Variants in TTC23 observed in about 807,000 individuals in gnomAD.
TTC23 encodes the protein tetratricopeptide repeat protein 23.
A neutral mutation model predicts 55.1 loss-of-function variants in TTC23; 58 were observed. That is an observed-to-expected ratio of 1.05 (90% confidence interval 0.85 to 1.31). TTC23 has a LOEUF of 1.31. Among genes scored for constraint, TTC23 ranks in the 50% most tolerant of loss-of-function variants. The probability of loss-of-function intolerance (pLI) is 0.00; values close to 1 mark genes in which losing one functional copy is unlikely to be tolerated. For missense variants in TTC23, 516 were observed against 534.4 expected (o/e 0.97, Z 0.34); for synonymous variants, 203 against 199.9 (o/e 1.02, Z -0.13).
intron 5 of TTC23, among the ~76,000 whole-genome samples, chr15:99,223,997 C>A (rs2078176488): frequency 6.6e-6 from 1 of 152,152 alleles, no homozygotes; most frequent in African/African-American, 2.4e-5. Flanking sequence ...GGATGCACGC[C>A]CATCAATGTC....
intron 12 of TTC23, 69 bp from the exon 13 acceptor site, chr15:99,139,468 C>G: frequency 6.2e-7 from 1 of 1,603,670 alleles, no homozygotes; most frequent in South Asian, 1.1e-5. Flanking sequence ...TAAGGTCTCC[C>G]TTGAATGAGA....
At chr15:99,155,447 T>A (rs2070404159) in intron 12 of TTC23, 1 of 152,122 alleles carries the variant, frequency 6.6e-6, no homozygotes, top group Non-Finnish European at 1.5e-5. Context: ...GATACAAAAA[T>A]TCATGTAGAA....
At chr15:99,191,758 A>C (rs2075268879) in intron 9 of TTC23, among the ~76,000 whole-genome samples, 1 of 152,208 alleles carries the variant, frequency 6.6e-6, no homozygotes, top group African/African-American at 2.4e-5. Context: ...GGTGCTGCTG[A>C]AAAGATACCC....
chr15:99,206,176 C>T (rs1471953658), intron 8 of TTC23, among the ~76,000 whole-genome samples: 1 of 152,048 alleles, frequency 6.6e-6, no homozygotes, highest in Non-Finnish European at 1.5e-5. Context: ...GGATGAATTC[C>T]ACTTGATCAA....
chr15:99,136,331 G>T lies in TTC23; in HGVS notation c.*1679C>A, dbSNP rs367862293. On this transcript the variant is annotated 3_prime_UTR_variant, in exon 14 of 14. Coordinates refer to ENST00000394132, the MANE Select transcript of TTC23 (RefSeq NM_001288615.3). The stretch of plus-strand genomic sequence containing the variant: ...GTACAGAAAGGAAGAAGTAACATCA[G>T]AATTCACATTTATTTCAAAAACTCG... 5.9e-5 allele frequency: 9 copies of T among 152,368 alleles called. No homozygotes were observed. In the East Asian group the frequency reaches 9.6e-4, roughly 16 times the overall value. The allele number at this position is 152,368 out of a possible 1,614,324, so 9.4% of individuals were successfully genotyped here. A position where few individuals can be genotyped will look rare whatever the true frequency, so the allele number is the denominator to read the frequency against.
chr15:99,221,796 A>C lies in TTC23; in HGVS notation c.249T>G (p.His83Gln), dbSNP rs144380401. ...TAACATGTGCCTCTGCTAGTTTCCAATGTGAGTCTCCATAGCAAATTCTTG... is the reference window on the plus strand; with the variant it reads ...TAACATGTGCCTCTGCTAGTTTCCACTGTGAGTCTCCATAGCAAATTCTTG... ...ALTRICYGDS[H>Q]WKLAEAHVNL... The change falls in exon 6 of 14, where the codon CAT becomes CAG. Residue 83 changes from histidine (H) to glutamine (Q), a missense_variant. Physicochemically the swap from His to Gln is conservative, Grantham distance 24 (BLOSUM62 0). Transcript: ENST00000394132. 1 of 1,614,062 alleles carries C rather than the reference A, an allele frequency of 6.2e-7. No homozygotes were observed. The highest frequency in any genetic ancestry group is 8.5e-7 in the Non-Finnish European group (1 of 1,180,034).
At chr15:99,186,937 G>GT (rs2074723727) in intron 9 of TTC23, among the ~76,000 whole-genome samples, 1 of 151,830 alleles carries the variant, frequency 6.6e-6, no homozygotes, top group South Asian at 2.1e-4. Context: ...GTTTTGTTTT[G>GT]TTTTTTGCAG....
chr15:99,145,523 T>G (rs1274785809), intron 12 of TTC23, among the ~76,000 whole-genome samples: 1 of 122,530 alleles, frequency 8.2e-6, no homozygotes, highest in Admixed American at 9.5e-5. Context: ...AGTCGGCAGG[T>G]GAAAAACAAA....
chr15:99,153,615 C>T (rs1409903031), intron 12 of TTC23, among the ~76,000 whole-genome samples: 1 of 152,074 alleles, frequency 6.6e-6, no homozygotes, highest in Admixed American at 6.6e-5. Context: ...TTATGAGATA[C>T]ATTTAGAACA....
chr15:99,137,712 T>C lies in TTC23; in HGVS notation c.*298A>G. Reference sequence around the variant, plus strand: ...GACTCCTGCACAGGGCGCACTGAACTGTTGAAGAGAAGTTTTTCAGCCACA... The same window carrying C: ...GACTCCTGCACAGGGCGCACTGAACCGTTGAAGAGAAGTTTTTCAGCCACA... On this transcript the variant is annotated 3_prime_UTR_variant, in exon 14 of 14. Transcript: ENST00000394132. The C allele has an allele frequency of 5.3e-6, 2 of 375,120 alleles. No homozygotes were observed. The highest frequency in any genetic ancestry group is 7.0e-5 in the South Asian group (2 of 28,740). The allele number at this position is 375,120 out of a possible 1,614,324, so 23.2% of individuals were successfully genotyped here.
rs56890685 is a variant in TTC23 at position 99,204,632 on chromosome 15, G to GTTTTTTTTTTTTTTTTTTTTT, written c.582-4557_582-4537dup. Among the ~76,000 whole-genome samples the GTTTTTTTTTTTTTTTTTTTTT allele has an allele frequency of 6.6e-5, 4 of 60,892 alleles. 2 individuals are homozygous for GTTTTTTTTTTTTTTTTTTTTT. The highest frequency in any genetic ancestry group is 1.1e-4 in the Non-Finnish European group (4 of 35,220). The allele number at this position is 60,892 out of a possible 152,430, so 39.9% of individuals were successfully genotyped here. On this transcript the variant is annotated intron_variant, in intron 8 of 13. Coordinates refer to ENST00000394132, the MANE Select transcript of TTC23 (RefSeq NM_001288615.3). ...TCAGAGTTTCAGTCTTAGATTTAAG[G>GTTTTTTTTTTTTTTTTTTTTT]TTTTTTTTTTTTTTTTTTTTTTTAG...
At chr15:99,147,386 C>A (rs563460167) in intron 12 of TTC23, among the ~76,000 whole-genome samples, 2 of 151,778 alleles carry the variant, frequency 1.3e-5, no homozygotes, top group Non-Finnish European at 2.9e-5. Flanking sequence ...CCACCACACC[C>A]GGCTAATTTT....
chr15:99,203,900 T>A (rs2076398898), intron 8 of TTC23, among the ~76,000 whole-genome samples: 1 of 152,156 alleles, frequency 6.6e-6, no homozygotes, highest in South Asian at 2.1e-4. Flanking sequence ...ATCCACTGAT[T>A]GACACTTATG....
At chr15:99,205,699 G>A (rs891929891) in intron 8 of TTC23, among the ~76,000 whole-genome samples, 9 of 151,522 alleles carry the variant, frequency 5.9e-5, no homozygotes, top group African/African-American at 1.9e-4. Flanking sequence ...AGTTCTCATA[G>A]CTTTTTGGTA....
chr15:99,139,594 GT>G (rs2067981862), intron 12 of TTC23, 195 bp from the exon 13 acceptor site: 1 of 1,531,484 alleles, frequency 6.5e-7, no homozygotes, highest in African/African-American at 1.4e-5. Flanking sequence ...AAAGTGAACA[GT>G]TTTAGCACTA....
chr15:99,156,389 A>G lies in TTC23; in HGVS notation c.994-92T>C, dbSNP rs570200764. 76 of 1,471,738 alleles carry G rather than the reference A, an allele frequency of 5.2e-5. No individual in the cohort carries two copies. The South Asian group carries it at 8.7e-4, about 17-fold the overall frequency. 91.2% of individuals were successfully genotyped at this position (1,471,738 alleles called of 1,614,324 possible). A position where few individuals can be genotyped will look rare whatever the true frequency, so the allele number is the denominator to read the frequency against. On this transcript the variant is annotated intron_variant, in intron 11 of 13. Transcript: ENST00000394132. ...TGTAACATTTTCACATGGGTGTGGT[A>G]GTCTCACGAGCTGAGCCTGTTCTCC... is the stretch of plus-strand genomic sequence containing the variant.
intron 9 of TTC23, among the ~76,000 whole-genome samples, chr15:99,198,387 C>T (rs775634889): frequency 3.9e-5 from 6 of 152,188 alleles, no homozygotes; most frequent in Non-Finnish European, 8.8e-5. Flanking sequence ...TCCAATCAAT[C>T]TCCATGTCCT....
At chr15:99,168,013 C>T (rs2072373518) in intron 10 of TTC23, among the ~76,000 whole-genome samples, 2 of 152,224 alleles carry the variant, frequency 1.3e-5, no homozygotes, top group Admixed American at 1.3e-4. Flanking sequence ...AGTCTGCTAG[C>T]TTGTGGAGGC....
At chr15:99,182,980 T>C (rs1400525776) in intron 9 of TTC23, among the ~76,000 whole-genome samples, 1 of 152,180 alleles carries the variant, frequency 6.6e-6, no homozygotes, top group East Asian at 1.9e-4. Context: ...GGGGCATTGC[T>C]ATAAGATACC....
Sources: gnomAD v4.1 joint callset for allele counts (sites outside exome capture counted in the v4.1 genomes callset) on GRCh38, gnomAD v4.1.1 for gene constraint, MANE v1.5 for transcripts, NCBI Gene and HGNC (gene_info 2026-07-23, HGNC 2026-07-21) for gene names.